CLSTN2: variants seen among roughly 807,000 people sequenced by gnomAD.
CLSTN2 encodes the protein calsyntenin-2.
In CLSTN2, 48 loss-of-function variants were observed where a neutral mutation model predicts 101.2. The observed-to-expected ratio is 0.47, with a 90% CI of 0.38 to 0.60. The LOEUF is 0.60. Among genes scored for constraint, CLSTN2 ranks in the 20% least tolerant of loss-of-function variants. CLSTN2 has a pLI of 0.00. For missense variants in CLSTN2, 1,160 were observed against 1,238.2 expected, an observed-to-expected ratio of 0.94 and a Z score of 0.95; for synonymous variants, 481 against 463.6, an observed-to-expected ratio of 1.04 and a Z score of -0.48.
At chr3:140,150,614 C>T (rs1253617228) in intron 1 of CLSTN2, among the ~76,000 whole-genome samples, 17 of 152,122 alleles carry the variant, frequency 1.1e-4, no homozygotes, top group Admixed American at 1.1e-3. Flanking sequence ...AATATAAAGG[C>T]CCATCCATCT....
intron 5 of CLSTN2, among the ~76,000 whole-genome samples, chr3:140,424,827 A>T (rs1039905090): frequency 6.6e-6 from 1 of 152,104 alleles, no homozygotes; most frequent in Non-Finnish European, 1.5e-5. Flanking sequence ...TGGCTTGCAC[A>T]GAAGGCTGTG....
Position 140,562,303 on chromosome 3 carries a change from T to C in CLSTN2, c.2207T>C (p.Ile736Thr). 6.2e-7 allele frequency: 1 copy of C among 1,612,434 alleles called. No homozygotes were observed. Among genetic ancestry groups the C allele is most frequent in the Non-Finnish European group, 8.5e-7 (1 of 1,179,538 alleles). ...DATNSTAGYSIYGVGSMSRYE... is the reference protein window; with the variant it reads ...DATNSTAGYSTYGVGSMSRYE... ...ACTAATTCTACTGCAGGCTACTCCA[T>C]CTACGGTAAGGCCACACTCAGCCCC... The change falls in exon 13 of 17, where the codon ATC becomes ACC. Residue 736 changes from isoleucine to threonine, a missense_variant. Ile to Thr is a moderately conservative substitution (Grantham distance 89). Transcript: ENST00000458420.
chr3:139,965,122 G>A (rs1464925708), intron 1 of CLSTN2, among the ~76,000 whole-genome samples: 1 of 152,162 alleles, frequency 6.6e-6, no homozygotes, highest in Non-Finnish European at 1.5e-5. Context: ...GTGTTATTTG[G>A]TGAAGAAAAT....
chr3:140,528,636 C>CAAAAAAAAA (rs3057900), intron 8 of CLSTN2, among the ~76,000 whole-genome samples: 28,437 of 147,646 alleles, frequency 0.19, 3,184 homozygotes, highest in East Asian at 0.32. Context: ...GTGCCTCTGA[C>CAAAAAAAAA]AAAAAAAAGA....
chr3:140,087,425 C>T (rs956647000), intron 1 of CLSTN2, among the ~76,000 whole-genome samples: 4 of 152,150 alleles, frequency 2.6e-5, no homozygotes, highest in African/African-American at 9.7e-5. Context: ...AATACCTCTG[C>T]CCTGTTATTA....
intron 2 of CLSTN2, among the ~76,000 whole-genome samples, chr3:140,373,523 CA>C (rs764782497): frequency 1.3e-5 from 2 of 152,186 alleles, no homozygotes; most frequent in African/African-American, 2.4e-5. Flanking sequence ...AATCAGAGAC[CA>C]AAAGCCCAGA....
chr3:140,267,896 T>C (rs1450866841), intron 2 of CLSTN2, among the ~76,000 whole-genome samples: 1 of 152,162 alleles, frequency 6.6e-6, no homozygotes, highest in Admixed American at 6.6e-5. Flanking sequence ...GAAGACTGAA[T>C]TCCTAGAAGG....
chr3:139,994,212 TG>T (rs1269736510), intron 1 of CLSTN2, among the ~76,000 whole-genome samples: 1 of 152,234 alleles, frequency 6.6e-6, no homozygotes, highest in African/African-American at 2.4e-5. Flanking sequence ...GTCTTGGGTT[TG>T]GGCACTGTAT....
chr3:140,048,068 C>A (rs2007916330), intron 1 of CLSTN2, among the ~76,000 whole-genome samples: 1 of 151,944 alleles, frequency 6.6e-6, no homozygotes, highest in African/African-American at 2.4e-5. Context: ...TCCCATATGA[C>A]TGAGGGGAGA....
Position 140,532,336 on chromosome 3 carries a change from G to C in CLSTN2, c.1357G>C (p.Glu453Gln), listed in dbSNP as rs200934887. The C allele has an allele frequency of 1.3e-6, 2 of 1,594,726 alleles. No individual in the cohort carries two copies. Among genetic ancestry groups the C allele is most frequent in the Non-Finnish European group, 1.7e-6 (2 of 1,169,852 alleles). The change falls in exon 9 of 17, where the codon GAG (glutamate) becomes CAG (glutamine). Residue 453 changes from glutamate to glutamine, a missense_variant. By Grantham distance (29) the Glu-to-Gln change is conservative. Transcript: ENST00000458420. ...TTCCTTTTCTTAGATTTGTGACAAA[G>C]AGTGGCACTACTATGTCATCAATGT... ...HWKLDQICDK[E>Q]WHYYVINVEF...
chr3:140,292,077 A>G (rs540779970), intron 2 of CLSTN2, among the ~76,000 whole-genome samples: 1 of 152,120 alleles, frequency 6.6e-6, no homozygotes, highest in African/African-American at 2.4e-5. Context: ...AAGACTTTCA[A>G]TGTCTTTACA....
chr3:140,493,912 A>T (rs547590979), intron 8 of CLSTN2, among the ~76,000 whole-genome samples: 1 of 152,332 alleles, frequency 6.6e-6, no homozygotes, highest in East Asian at 1.9e-4. Context: ...GAAGGGTGTT[A>T]TTAGAACCAA....
At chr3:140,383,947 A>C (rs767617196) in intron 2 of CLSTN2, among the ~76,000 whole-genome samples, 1 of 152,210 alleles carries the variant, frequency 6.6e-6, no homozygotes, top group Non-Finnish European at 1.5e-5. Flanking sequence ...CTGTGAAGGA[A>C]AATGTCAAAG....
chr3:140,281,035 T>G (rs2086841028), intron 2 of CLSTN2, among the ~76,000 whole-genome samples: 1 of 152,232 alleles, frequency 6.6e-6, no homozygotes, highest in South Asian at 2.1e-4. Context: ...GTCCTGGATG[T>G]CTTAGAAGAG....
intron 4 of CLSTN2, among the ~76,000 whole-genome samples, chr3:140,412,976 A>T (rs964638200): frequency 2.6e-5 from 4 of 152,346 alleles, no homozygotes; most frequent in Admixed American, 1.3e-4. Context: ...ACCTAATGTT[A>T]TACGTCAAGG....
At chr3:140,203,098 G>A (rs1005026836) in intron 2 of CLSTN2, among the ~76,000 whole-genome samples, 1 of 152,174 alleles carries the variant, frequency 6.6e-6, no homozygotes, top group Non-Finnish European at 1.5e-5. Flanking sequence ...AAATTGGAAT[G>A]TGTCGTGGGC....
chr3:140,427,212 T>A (rs1470726062), intron 5 of CLSTN2, among the ~76,000 whole-genome samples: 7 of 75,616 alleles, frequency 9.3e-5, no homozygotes, highest in African/African-American at 6.0e-4. Flanking sequence ...TATGTGTATA[T>A]ATATATATAT....
rs1410571251 is a variant in CLSTN2, at chr3:140,412,165, G to A, written c.637+7399G>A. On this transcript the variant is annotated intron_variant, in intron 4 of 16. Transcript: ENST00000458420. ...CGAGTAGCTGGGATTAACAGCATGC[G>A]CCACAACACCTGATTAATTTTGTAT... 8.5e-5 allele frequency among the ~76,000 whole-genome samples: 13 copies of A among 152,198 alleles called. 1 individual carries two copies. The highest frequency in any genetic ancestry group is 8.3e-4 in the South Asian group (4 of 4,820).
intron 1 of CLSTN2, among the ~76,000 whole-genome samples, chr3:140,130,814 A>G (rs2009510814): frequency 6.6e-6 from 1 of 152,132 alleles, no homozygotes; most frequent in South Asian, 2.1e-4. Context: ...TTTGTTTTCT[A>G]GAAGTCTTGA....
Sources: allele counts gnomAD v4.1 joint callset (sites outside exome capture counted in the v4.1 genomes callset), GRCh38; gene constraint gnomAD v4.1.1; transcripts MANE v1.5; gene names NCBI Gene and HGNC (gene_info 2026-07-23, HGNC 2026-07-21).